The following DLGAP2 variants were observed in gnomAD, a reference collection of about 807,000 sequenced individuals.
DLGAP2 encodes DLG associated protein 2, also known as disks large-associated protein 2.
A neutral mutation model predicts 100.3 loss-of-function variants in DLGAP2; 26 were observed. That is an observed-to-expected ratio of 0.26 (90% CI 0.19 to 0.36). DLGAP2 has a LOEUF of 0.36. DLGAP2 is among the 10% of genes least tolerant of loss of function. The pLI is 1.00. For missense variants in DLGAP2, 1,858 were observed against 1,453.2 expected (o/e 1.28, Z -4.53); for synonymous variants, 886 against 630.1 (o/e 1.41, Z -6.08).
At chr8:1,287,131 CGTGTGTGTGT>C (rs33910191) in intron 3 of DLGAP2, among the ~76,000 whole-genome samples, 4 of 136,996 alleles carry the variant, frequency 2.9e-5, no homozygotes, top group Non-Finnish European at 3.1e-5. Flanking sequence ...TTCGGTTCAG[CGTGTGTGTGT>C]GTGTGTGTGT....
At chr8:784,933 C>T (rs1268976861) in intron 1 of DLGAP2, among the ~76,000 whole-genome samples, 2 of 152,098 alleles carry the variant, frequency 1.3e-5, no homozygotes. Context: ...CCTGGCTGGG[C>T]ACGGTGGCTC....
intron 3 of DLGAP2, among the ~76,000 whole-genome samples, chr8:1,376,094 T>A (rs945739724): frequency 1.5e-5 from 2 of 132,434 alleles, no homozygotes; most frequent in Non-Finnish European, 3.4e-5. Context: ...ACATTTGGGT[T>A]AACGACACCT....
chr8:1,541,600 G>T (rs1376841486), intron 4 of DLGAP2, among the ~76,000 whole-genome samples: 1 of 152,162 alleles, frequency 6.6e-6, no homozygotes, highest in African/African-American at 2.4e-5. Context: ...CAAGATCTCA[G>T]TGAGCTGTCC....
intron 4 of DLGAP2, among the ~76,000 whole-genome samples, chr8:1,523,544 C>T (rs1367925329): frequency 6.6e-6 from 1 of 152,244 alleles, no homozygotes; most frequent in Non-Finnish European, 1.5e-5. Context: ...CCCAGGCCGG[C>T]ACCGCACAGT....
At chr8:796,740 G>A (rs190657733) in intron 1 of DLGAP2, among the ~76,000 whole-genome samples, 107 of 152,196 alleles carry the variant, frequency 7.0e-4, no homozygotes, top group African/African-American at 2.9e-4. Flanking sequence ...GGTGTATGAC[G>A]CCTTCATGGC....
In DLGAP2 at chr8:1,549,492, A is replaced by G; in HGVS notation, c.1039A>G (p.Asn347Asp). ...GTCCCTCAAGACCTCCAAGAGCAAC[A>G]ACGACGTCAAGTGCTCGGCCTGTGA... is the stretch of plus-strand genomic sequence containing the variant. ...DLSLKTSKSNNDVKCSACEGL... is the reference protein window; with the variant it reads ...DLSLKTSKSNDDVKCSACEGL... The change falls in exon 5 of 15, where the codon AAC (asparagine) becomes GAC (aspartate). Residue 347 changes from asparagine (N) to aspartate (D), a missense_variant. By Grantham distance (23) the Asn-to-Asp change is conservative. Transcript: ENST00000637795. The G allele has an allele frequency of 1.9e-6, 3 of 1,613,498 alleles. No individual in the cohort carries two copies. Among genetic ancestry groups the G allele is most frequent in the South Asian group, 2.2e-5 (2 of 91,082 alleles).
chr8:885,275 A>G (rs1290368121), intron 1 of DLGAP2, among the ~76,000 whole-genome samples: 3 of 152,068 alleles, frequency 2.0e-5, no homozygotes, highest in Admixed American at 6.5e-5. Context: ...ATGTTTTTCT[A>G]TTTCTTTGTG....
intron 3 of DLGAP2, among the ~76,000 whole-genome samples, chr8:1,319,245 A>C (rs187918780): frequency 7.0e-4 from 106 of 152,200 alleles, no homozygotes; most frequent in African/African-American, 2.4e-3. Flanking sequence ...GTTCTCAGCT[A>C]AGCTCTCTGG....
chr8:951,528 G>A (rs1051613649), intron 2 of DLGAP2, among the ~76,000 whole-genome samples: 1 of 152,254 alleles, frequency 6.6e-6, no homozygotes, highest in Non-Finnish European at 1.5e-5. Context: ...TGGGATTACA[G>A]GCGTGAGCCA....
At chr8:740,491 C>A (rs1820455114) in intron 1 of DLGAP2, 1 of 152,202 alleles carries the variant, frequency 6.6e-6, no homozygotes, top group African/African-American at 2.4e-5. Context: ...CCTTCTGTGG[C>A]AATCTATTGC....
intron 3 of DLGAP2, among the ~76,000 whole-genome samples, chr8:1,491,108 A>C: frequency 6.8e-6 from 1 of 147,000 alleles, no homozygotes; most frequent in African/African-American, 2.5e-5. Flanking sequence ...AAATAAAATC[A>C]CTTTTCATGA....
At chr8:961,155 G>A (rs1239897464) in intron 2 of DLGAP2, among the ~76,000 whole-genome samples, 1 of 152,168 alleles carries the variant, frequency 6.6e-6, no homozygotes, top group Non-Finnish European at 1.5e-5. Flanking sequence ...AAAAGGTCTT[G>A]GTTAGTGTAC....
chr8:1,249,199 A>G (rs990055841), intron 2 of DLGAP2, among the ~76,000 whole-genome samples: 1 of 151,958 alleles, frequency 6.6e-6, no homozygotes, highest in African/African-American at 2.4e-5. Context: ...AATGGCAAGA[A>G]CTCCACAGGC....
chr8:1,543,383 G>A (rs1270221762), intron 4 of DLGAP2, among the ~76,000 whole-genome samples: 9 of 152,158 alleles, frequency 5.9e-5, no homozygotes, highest in South Asian at 2.1e-4. Context: ...GTAAGATGGG[G>A]GTTAAATTCA....
intron 8 of DLGAP2, among the ~76,000 whole-genome samples, chr8:1,648,303 T>C (rs978762321): frequency 2.0e-5 from 3 of 152,210 alleles, no homozygotes; most frequent in Non-Finnish European, 4.4e-5. Context: ...GGACAATACT[T>C]ACTCAGGGGC....
At chr8:1,445,395 C>T (rs1490200261) in intron 3 of DLGAP2, among the ~76,000 whole-genome samples, 1 of 151,756 alleles carries the variant, frequency 6.6e-6, no homozygotes, top group Non-Finnish European at 1.5e-5. Context: ...CAGTTTCATC[C>T]ATGTCCCTAC....
rs1471907271 is a variant in DLGAP2, at chr8:1,703,283, A to T, written c.*1877A>T. 2.7e-5 allele frequency: 4 copies of T among 149,890 alleles called. No homozygotes were observed. Among genetic ancestry groups the T allele is most frequent in the Non-Finnish European group, 5.9e-5 (4 of 67,504 alleles). The allele number at this position is 149,890 out of a possible 1,614,324, so 9.3% of individuals were successfully genotyped here. ...TGGAAGCAAAAATCAGTACGAATGT[A>T]TCTCCTTGAAAAATGCAAAAAAAAA... On this transcript the variant is annotated 3_prime_UTR_variant, in exon 15 of 15. Coordinates refer to ENST00000637795, the MANE Select transcript of DLGAP2 (RefSeq NM_001346810.2).
chr8:1,352,850 C>T (rs935234648), intron 3 of DLGAP2, among the ~76,000 whole-genome samples: 2 of 152,186 alleles, frequency 1.3e-5, no homozygotes, highest in Non-Finnish European at 2.9e-5. Context: ...TCTGGAGACG[C>T]AGGAGATCCT....
chr8:781,079 C>CT (rs902529756), intron 1 of DLGAP2, among the ~76,000 whole-genome samples: 4 of 152,214 alleles, frequency 2.6e-5, no homozygotes, highest in Non-Finnish European at 4.4e-5. Flanking sequence ...TAGATAACCC[C>CT]TTTTTTTGGT....
Sources: gnomAD v4.1 joint callset for allele counts (sites outside exome capture counted in the v4.1 genomes callset) on GRCh38, gnomAD v4.1.1 for gene constraint, MANE v1.5 for transcripts, NCBI Gene and HGNC (gene_info 2026-07-23, HGNC 2026-07-21) for gene names.